ASTN1: variants seen among roughly 807,000 people sequenced by gnomAD.
The protein encoded by ASTN1 is astrotactin-1.
ASTN1 carries 41 observed loss-of-function variants against 140.7 expected under a neutral mutation model. That is an observed-to-expected ratio of 0.29 (90% CI 0.23 to 0.38). The LOEUF (loss-of-function observed/expected upper bound fraction) is 0.38. ASTN1 is among the 10% of genes least tolerant of loss of function. The pLI, the probability that ASTN1 is intolerant of heterozygous loss-of-function variation, is 1.00. For missense variants in ASTN1, 1,479 were observed against 1,678.8 expected, an observed-to-expected ratio of 0.88 and a Z score of 2.08; for synonymous variants, 640 against 652.2, an observed-to-expected ratio of 0.98 and a Z score of 0.29.
intron 16 of ASTN1, among the ~76,000 whole-genome samples, chr1:176,930,739 G>A (rs924219358): frequency 1.3e-5 from 2 of 152,138 alleles, no homozygotes; most frequent in African/African-American, 4.8e-5. Context: ...TGTTTTTGTA[G>A]AGTAAAACAG....
chr1:177,087,416 G>A (rs1259647879), intron 1 of ASTN1, among the ~76,000 whole-genome samples: 2 of 152,124 alleles, frequency 1.3e-5, no homozygotes, highest in African/African-American at 4.8e-5. Flanking sequence ...CTGTGATGCT[G>A]ACCATGAATA....
chr1:177,127,580 T>C (rs979765400), intron 1 of ASTN1, among the ~76,000 whole-genome samples: 9 of 152,150 alleles, frequency 5.9e-5, no homozygotes, highest in African/African-American at 2.2e-4. Context: ...GCCCATTCAG[T>C]GGTACTTTCT....
intron 1 of ASTN1, among the ~76,000 whole-genome samples, chr1:177,076,278 C>CAAAAAAAAAAAAAAAAAA (rs1171864161): frequency 1.3e-5 from 1 of 77,688 alleles, no homozygotes; most frequent in African/African-American, 5.1e-5. Flanking sequence ...GACTATGTCT[C>CAAAAAAAAAAAAAAAAAA]AAAAAAAAAA....
intron 8 of ASTN1, among the ~76,000 whole-genome samples, chr1:176,969,619 C>T (rs954666745): frequency 2.0e-5 from 3 of 152,116 alleles, no homozygotes; most frequent in Non-Finnish European, 4.4e-5. Context: ...TGCCAATATT[C>T]ATTTTGTGGA....
chr1:177,008,583 G>A (rs1031317679), intron 8 of ASTN1, among the ~76,000 whole-genome samples: 12 of 150,578 alleles, frequency 8.0e-5, no homozygotes, highest in Non-Finnish European at 1.6e-4. Context: ...GAGAGAGAAA[G>A]AAGAAGGAGG....
intron 1 of ASTN1, among the ~76,000 whole-genome samples, chr1:177,156,810 A>G (rs1045296738): frequency 6.6e-6 from 1 of 152,136 alleles, no homozygotes; most frequent in African/African-American, 2.4e-5. Flanking sequence ...GTCAGCATCA[A>G]CAGTGAGAAG....
intron 8 of ASTN1, among the ~76,000 whole-genome samples, chr1:176,990,622 A>G (rs1571614517): frequency 6.6e-6 from 1 of 152,174 alleles, no homozygotes; most frequent in Non-Finnish European, 1.5e-5. Context: ...AACACAGTAG[A>G]AGATGAAAGA....
chr1:177,150,116 A>C (rs1682962416), intron 1 of ASTN1, among the ~76,000 whole-genome samples: 1 of 152,010 alleles, frequency 6.6e-6, no homozygotes. Flanking sequence ...AATTGGAGAT[A>C]ATATGCCTGA....
At chr1:176,898,549 A>G (rs1440535799) in intron 16 of ASTN1, among the ~76,000 whole-genome samples, 1 of 152,200 alleles carries the variant, frequency 6.6e-6, no homozygotes, top group East Asian at 1.9e-4. Flanking sequence ...AGCCCAGATA[A>G]ATCTCCCTTA....
At chr1:176,878,917 C>T (rs1668675646) in intron 20 of ASTN1, among the ~76,000 whole-genome samples, 1 of 152,186 alleles carries the variant, frequency 6.6e-6, no homozygotes, top group South Asian at 2.1e-4. Context: ...GAGTGAGCCC[C>T]CTTCTCCCAC....
At chr1:177,145,926 T>C (rs189250091) in intron 1 of ASTN1, among the ~76,000 whole-genome samples, 5 of 152,324 alleles carry the variant, frequency 3.3e-5, no homozygotes, top group Non-Finnish European at 7.3e-5. Context: ...TGCAATCCTT[T>C]ACACTCCTAA....
intron 12 of ASTN1, among the ~76,000 whole-genome samples, chr1:176,947,668 C>T (rs1359402789): frequency 6.6e-6 from 1 of 152,174 alleles, no homozygotes; most frequent in Non-Finnish European, 1.5e-5. Context: ...AGCAATAGCA[C>T]AGTGTTTCTA....
intron 8 of ASTN1, among the ~76,000 whole-genome samples, chr1:177,003,832 GA>G (rs1674860130): frequency 6.7e-6 from 1 of 150,210 alleles, no homozygotes; most frequent in Non-Finnish European, 1.5e-5. Flanking sequence ...AAGAAAGAAA[GA>G]AAAGAAAAGA....
rs12118933 is a variant in ASTN1 at position 176,864,361 on chromosome 1, G to T, written c.3808C>A (p.Arg1270=). The part of the protein sequence containing the change: ...PYGLDWAELS[R]DLRKTCEEQT... ...TCCTCACACGTCTTCCTGAGGTCCCGGCTGAGCTCCGCCCAGTCAAGTCCG... is the reference window on the plus strand; with the variant it reads ...TCCTCACACGTCTTCCTGAGGTCCCTGCTGAGCTCCGCCCAGTCAAGTCCG... Residue 1270 remains arginine, a synonymous_variant, in exon 23 of 23, where the codon CGG becomes AGG. Coordinates refer to ENST00000361833, the MANE Select transcript of ASTN1 (RefSeq NM_004319.3). 86 of 1,613,908 alleles carry T rather than the reference G, an allele frequency of 5.3e-5. No homozygotes were observed. Among genetic ancestry groups the T allele is most frequent in the Non-Finnish European group, 6.8e-5 (80 of 1,179,994 alleles).
At chr1:177,006,226 A>G (rs907800740) in intron 8 of ASTN1, among the ~76,000 whole-genome samples, 4 of 152,212 alleles carry the variant, frequency 2.6e-5, no homozygotes, top group Middle Eastern at 3.2e-3. Flanking sequence ...ATGCTTCTTT[A>G]TACGTTACCC....
chr1:177,039,382 C>A (rs1241823144), intron 2 of ASTN1, among the ~76,000 whole-genome samples: 2 of 152,208 alleles, frequency 1.3e-5, no homozygotes, highest in African/African-American at 2.4e-5. Context: ...CTCTCTGATA[C>A]AGCAACAATC....
intron 8 of ASTN1, among the ~76,000 whole-genome samples, chr1:177,000,292 G>A (rs1389229624): frequency 6.6e-6 from 1 of 152,140 alleles, no homozygotes; most frequent in East Asian, 1.9e-4. Flanking sequence ...TTCACTAATA[G>A]AAAATACAGG....
At chr1:177,087,380 T>C (rs1679526951) in intron 1 of ASTN1, among the ~76,000 whole-genome samples, 1 of 152,206 alleles carries the variant, frequency 6.6e-6, no homozygotes, top group Admixed American at 6.5e-5. Flanking sequence ...AGTGACATTC[T>C]GGAGATCCAA....
At chr1:176,972,345 G>T (rs1349207847) in intron 8 of ASTN1, among the ~76,000 whole-genome samples, 1 of 152,148 alleles carries the variant, frequency 6.6e-6, no homozygotes, top group Non-Finnish European at 1.5e-5. Context: ...AAATGAGACC[G>T]ATCAGTGTGG....
Sources: allele counts gnomAD v4.1 joint callset (sites outside exome capture counted in the v4.1 genomes callset), GRCh38; gene constraint gnomAD v4.1.1; transcripts MANE v1.5; gene names NCBI Gene and HGNC (gene_info 2026-07-23, HGNC 2026-07-21).